Variants in FGF13 observed in about 807,000 individuals in gnomAD.
The protein encoded by FGF13 is fibroblast growth factor homologous factor 2.
In FGF13, 2 loss-of-function variants were observed where a neutral mutation model predicts 19.5. That is an observed-to-expected ratio of 0.10 (90% CI 0.04 to 0.32). The LOEUF is 0.32. Among genes scored for constraint, FGF13 ranks in the 10% least tolerant of loss-of-function variants. The probability of loss-of-function intolerance (pLI) is 1.00; values close to 1 mark genes in which losing one functional copy is unlikely to be tolerated. For missense variants in FGF13, 113 were observed against 192.7 expected (o/e 0.59, Z 2.45); for synonymous variants, 72 against 76.9 (o/e 0.94, Z 0.33).
chrX:138,926,844 A>T (rs2091676627), intron 1 of FGF13, among the ~76,000 whole-genome samples: 1 of 111,411 alleles, frequency 9.0e-6, no homozygotes, highest in African/African-American at 3.3e-5. Context: ...AATCCCAGCT[A>T]CTTGGGAGGC....
At chrX:138,801,644 G>A (rs192362333) in intron 3 of FGF13, among the ~76,000 whole-genome samples, 1 of 111,907 alleles carries the variant, frequency 8.9e-6, no homozygotes, top group Non-Finnish European at 1.9e-5. Flanking sequence ...CTTAGAGCTG[G>A]CAGGCAGGAA....
chrX:139,199,235 GATA>G (rs752331488), intron 1 of FGF13, among the ~76,000 whole-genome samples: 4 of 112,452 alleles, frequency 3.6e-5, no homozygotes, highest in African/African-American at 1.3e-4. Flanking sequence ...ACATTTCAAA[GATA>G]ATGTTTAGCT....
At chrX:138,970,572 C>T (rs1201159607) in intron 1 of FGF13, among the ~76,000 whole-genome samples, 1 of 111,847 alleles carries the variant, frequency 8.9e-6, no homozygotes, top group Non-Finnish European at 1.9e-5. Flanking sequence ...CAGGATGCTT[C>T]TAGTCCAATT....
intron 1 of FGF13, among the ~76,000 whole-genome samples, chrX:139,055,050 C>T (rs776992591): frequency 1.8e-5 from 2 of 111,499 alleles, no homozygotes; most frequent in African/African-American, 6.5e-5. Context: ...GGAAAGTTTG[C>T]TGAATTCTTT....
intron 1 of FGF13, among the ~76,000 whole-genome samples, chrX:138,880,786 A>G (rs2091419439): frequency 8.9e-6 from 1 of 112,285 alleles, no homozygotes. Flanking sequence ...ATTAGTCTAT[A>G]TGTATATCCT....
intron 1 of FGF13, among the ~76,000 whole-genome samples, chrX:139,202,028 G>C (rs1001112156): frequency 1.7e-4 from 19 of 112,301 alleles, no homozygotes; most frequent in Admixed American, 9.4e-4. Context: ...AATGTGGTGA[G>C]TCAACACAAG....
At chrX:139,059,275 C>T (rs1453160995) in intron 1 of FGF13, among the ~76,000 whole-genome samples, 1 of 110,805 alleles carries the variant, frequency 9.0e-6, no homozygotes, top group Non-Finnish European at 1.9e-5. Flanking sequence ...CTTGTAAACT[C>T]GTCCTTTTAA....
intron 1 of FGF13, among the ~76,000 whole-genome samples, chrX:138,933,543 T>C (rs2091715920): frequency 8.9e-6 from 1 of 111,853 alleles, no homozygotes; most frequent in Admixed American, 9.5e-5. Flanking sequence ...GCAAAGCTAA[T>C]CTCTAAGTTT....
intron 3 of FGF13, among the ~76,000 whole-genome samples, chrX:138,807,466 C>T (rs1384200228): frequency 1.8e-5 from 2 of 111,858 alleles, no homozygotes; most frequent in African/African-American, 6.5e-5. Flanking sequence ...AAAGGAACAA[C>T]TGGTACCAGC....
intron 3 of FGF13, among the ~76,000 whole-genome samples, chrX:138,752,489 A>T (rs1011276156): frequency 1.8e-5 from 2 of 112,486 alleles, no homozygotes; most frequent in Admixed American, 9.4e-5. Context: ...CTCAACTTTT[A>T]AACTGTGTAT....
At chrX:138,932,975 C>T (rs902023007) in intron 1 of FGF13, among the ~76,000 whole-genome samples, 2 of 111,423 alleles carry the variant, frequency 1.8e-5, no homozygotes, top group Non-Finnish European at 3.8e-5. Context: ...ACCTCTGCCA[C>T]TTAATATGTG....
intron 1 of FGF13, among the ~76,000 whole-genome samples, chrX:139,017,358 C>A (rs1166404653): frequency 9.6e-6 from 1 of 104,643 alleles, no homozygotes; most frequent in Non-Finnish European, 1.9e-5. Context: ...TATATACACA[C>A]ACACACACAC....
chrX:138,976,120 G>A (rs895988392), intron 1 of FGF13, among the ~76,000 whole-genome samples: 8 of 111,596 alleles, frequency 7.2e-5, no homozygotes, highest in South Asian at 7.6e-4. Context: ...CGCTGGACTC[G>A]GGAATGCTCC....
rs1166976216 is a variant in FGF13 at position 138,727,079 on chromosome X, A to AT, written c.28+12162dup. Among the ~76,000 whole-genome samples, 4 of 110,732 alleles carry AT rather than the reference A, an allele frequency of 3.6e-5. No homozygotes were observed. In the South Asian group the frequency reaches 1.5e-3, roughly 42 times the overall value. On this transcript the variant is annotated intron_variant, in intron 1 of 4. Transcript: ENST00000305414. ...TCGAAGTAGGTATTATGTGTATCTC[A>AT]TTTTTTTCTGATATGGAAAGTGATG...
intron 3 of FGF13, among the ~76,000 whole-genome samples, chrX:138,665,880 A>G (rs1294520292): frequency 9.0e-6 from 1 of 111,075 alleles, no homozygotes; most frequent in African/African-American, 3.3e-5. Context: ...TGCTATAAAG[A>G]GAAAAAAAAG....
intron 1 of FGF13, among the ~76,000 whole-genome samples, chrX:138,932,433 G>C (rs1254196946): frequency 9.2e-6 from 1 of 108,137 alleles, no homozygotes; most frequent in Non-Finnish European, 1.9e-5. Flanking sequence ...ACAAAAATTA[G>C]CCGGGCCTGG....
At chrX:139,203,940 G>A, upstream of FGF13, 3 of 746,667 alleles carry the variant, frequency 4.0e-6, no homozygotes, top group East Asian at 3.2e-5. Context: ...GGGTCGCAGA[G>A]GTCATGGGCA....
chrX:138,633,116 T>A (rs1175622246), intron 4 of FGF13, 130 bp from the exon 5 acceptor site: 9 of 599,952 alleles, frequency 1.5e-5, no homozygotes, highest in Non-Finnish European at 2.1e-5. Context: ...AATGCATATG[T>A]TAATTAGCTT....
chrX:138,805,616 T>C (rs911826167), intron 3 of FGF13, among the ~76,000 whole-genome samples: 1 of 111,980 alleles, frequency 8.9e-6, no homozygotes, highest in Non-Finnish European at 1.9e-5. Context: ...CAAAAAAGCA[T>C]AAAGGCCAGT....
Sources: gnomAD v4.1 joint callset for allele counts (sites outside exome capture counted in the v4.1 genomes callset) on GRCh38, gnomAD v4.1.1 for gene constraint, MANE v1.5 for transcripts, NCBI Gene and HGNC (gene_info 2026-07-23, HGNC 2026-07-21) for gene names.